AFF1: variants seen among roughly 807,000 people sequenced by gnomAD.
AFF1 encodes AF4/FMR2 family member 1.
Under a neutral mutation model 121.7 loss-of-function variants are expected in AFF1, and 48 were observed. The ratio of observed to expected loss-of-function variants is 0.39; its 90% CI spans 0.31 to 0.50. The LOEUF (loss-of-function observed/expected upper bound fraction) is 0.50. Ranked by LOEUF, AFF1 falls within the 20% of genes least tolerant of loss-of-function variation. The pLI is 0.76. For missense variants in AFF1, 1,523 were observed against 1,511.7 expected (o/e 1.01, Z -0.12); for synonymous variants, 613 against 563.0 (o/e 1.09, Z -1.26).
chr4:87,096,132 A>G (rs1724813470), intron 8 of AFF1, among the ~76,000 whole-genome samples: 2 of 152,176 alleles, frequency 1.3e-5, no homozygotes. Context: ...TGAAGGGAAA[A>G]GGAACAAGAA....
intron 2 of AFF1, among the ~76,000 whole-genome samples, chr4:87,008,590 A>G (rs890653230): frequency 1.3e-5 from 2 of 148,506 alleles, no homozygotes; most frequent in African/African-American, 4.9e-5. Flanking sequence ...TTGTGTCTCT[A>G]TTTTTGTTAA....
Position 87,139,309 on chromosome 4 carries a change from T to G in AFF1, c.*3608T>G. 4.3e-6 allele frequency: 1 copy of G among 233,026 alleles called. No individual in the cohort carries two copies. The allele number at this position is 233,026 out of a possible 1,614,324, so 14.4% of individuals were successfully genotyped here. On this transcript the variant is annotated 3_prime_UTR_variant, in exon 21 of 21. Coordinates refer to ENST00000395146, the MANE Select transcript of AFF1 (RefSeq NM_001166693.3). ...TTGTATTTGTGCATCTTAAAGTAGG[T>G]TGAGGCTTGAGGCTGGGCTTTCGGG...
At chr4:87,016,419 C>T (rs1354039893) in intron 2 of AFF1, among the ~76,000 whole-genome samples, 1 of 151,642 alleles carries the variant, frequency 6.6e-6, no homozygotes, top group African/African-American at 2.4e-5. Context: ...GACGTGGTGG[C>T]GGGCGCCTGT....
At chr4:87,006,280 A>AC (rs762189636) in intron 2 of AFF1, among the ~76,000 whole-genome samples, 20 of 152,008 alleles carry the variant, frequency 1.3e-4, no homozygotes, top group Non-Finnish European at 2.4e-4. Flanking sequence ...CTGAAGCACA[A>AC]CCTCCCTCCA....
intron 8 of AFF1, among the ~76,000 whole-genome samples, chr4:87,099,421 C>A (rs991467309): frequency 5.5e-5 from 8 of 144,926 alleles, no homozygotes; most frequent in African/African-American, 1.8e-4. Context: ...TTTTATTTTC[C>A]TTTTTTGAGA....
chr4:87,088,390 G>A (rs1424979030), intron 5 of AFF1, among the ~76,000 whole-genome samples: 2 of 152,200 alleles, frequency 1.3e-5, no homozygotes, highest in Non-Finnish European at 2.9e-5. Context: ...GAGCTGCAAT[G>A]GGGAAGGGCA....
chr4:86,963,825 C>T (rs1177491471), intron 2 of AFF1, among the ~76,000 whole-genome samples: 6 of 150,846 alleles, frequency 4.0e-5, no homozygotes, highest in Non-Finnish European at 7.4e-5. Flanking sequence ...GACAGTGTCT[C>T]ACTCTGTTGT....
At chr4:86,985,871 C>T (rs999910156) in intron 2 of AFF1, among the ~76,000 whole-genome samples, 2 of 151,162 alleles carry the variant, frequency 1.3e-5, no homozygotes, top group Non-Finnish European at 2.9e-5. Flanking sequence ...GAAAAAAAAA[C>T]TAATAAAAAG....
At chr4:87,105,533 C>A in intron 8 of AFF1, 95 bp from the exon 9 acceptor site, 1 of 1,389,488 alleles carries the variant, frequency 7.2e-7, no homozygotes, top group Non-Finnish European at 1.0e-6. Flanking sequence ...TATCCTCTCT[C>A]TTTGTTTAAT....
At chr4:87,078,360 C>A (rs921949165) in intron 4 of AFF1, among the ~76,000 whole-genome samples, 1 of 152,080 alleles carries the variant, frequency 6.6e-6, no homozygotes, top group Non-Finnish European at 1.5e-5. Context: ...TTCTGAGTTC[C>A]GGGACTGAAA....
intron 2 of AFF1, among the ~76,000 whole-genome samples, chr4:87,002,295 T>C (rs1467797818): frequency 6.6e-6 from 1 of 151,928 alleles, no homozygotes; most frequent in African/African-American, 2.4e-5. Context: ...GAGATCTTCC[T>C]ATGTTGCCCA....
At chr4:86,989,245 C>A (rs1267863382) in intron 2 of AFF1, among the ~76,000 whole-genome samples, 1 of 152,170 alleles carries the variant, frequency 6.6e-6, no homozygotes, top group Admixed American at 6.5e-5. Flanking sequence ...TCAGAGTGAA[C>A]AGGCAGTCTG....
intron 2 of AFF1, among the ~76,000 whole-genome samples, chr4:86,989,994 G>C (rs1724572023): frequency 6.6e-6 from 1 of 152,110 alleles, no homozygotes; most frequent in South Asian, 2.1e-4. Flanking sequence ...CATGGACACA[G>C]GGAGGGGAAC....
chr4:86,961,112 G>C (rs1722111277), intron 2 of AFF1, among the ~76,000 whole-genome samples: 1 of 152,076 alleles, frequency 6.6e-6, no homozygotes, highest in African/African-American at 2.4e-5. Flanking sequence ...TTTGATATCA[G>C]AATGGTGAGA....
chr4:87,126,471 AATG>A (rs1728260840), intron 14 of AFF1, 135 bp downstream of exon 14: 2 of 788,846 alleles, frequency 2.5e-6, no homozygotes, highest in East Asian at 2.5e-5. Context: ...TTGTGTTTAA[AATG>A]CTACTTTTTG....
chr4:86,953,579 A>G (rs750905769), intron 2 of AFF1, among the ~76,000 whole-genome samples: 1 of 152,178 alleles, frequency 6.6e-6, no homozygotes, highest in Non-Finnish European at 1.5e-5. Context: ...GGCACTTGAC[A>G]CTGTTGAATT....
At chr4:87,121,673 C>T (rs1385436753) in intron 12 of AFF1, among the ~76,000 whole-genome samples, 2 of 152,234 alleles carry the variant, frequency 1.3e-5, no homozygotes, top group Non-Finnish European at 2.9e-5. Context: ...AGTTTGATGG[C>T]TTCCTTTCTA....
chr4:87,080,892 A>G (rs892366575), intron 4 of AFF1, among the ~76,000 whole-genome samples: 3 of 152,228 alleles, frequency 2.0e-5, no homozygotes, highest in Non-Finnish European at 2.9e-5. Flanking sequence ...TAGATGGAAC[A>G]TAAAATGATC....
At chr4:87,081,649 G>A (rs1454364348) in intron 4 of AFF1, among the ~76,000 whole-genome samples, 2 of 152,126 alleles carry the variant, frequency 1.3e-5, no homozygotes, top group Non-Finnish European at 2.9e-5. Flanking sequence ...AGTGCTTTGT[G>A]GAGATCCCTA....
Sources: allele counts gnomAD v4.1 joint callset (sites outside exome capture counted in the v4.1 genomes callset), GRCh38; gene constraint gnomAD v4.1.1; transcripts MANE v1.5; gene names NCBI Gene and HGNC (gene_info 2026-07-23, HGNC 2026-07-21).